ASPRV1: variants seen among roughly 807,000 people sequenced by gnomAD.
ASPRV1 encodes aspartic peptidase retroviral like 1.
Under a neutral mutation model 11.0 loss-of-function variants are expected in ASPRV1, and 7 were observed. The ratio of observed to expected loss-of-function variants is 0.64; its 90% CI spans 0.36 to 1.20. ASPRV1 has a LOEUF of 1.20. ASPRV1 is among the 50% of genes most tolerant of loss of function. ASPRV1 has a pLI of 0.02. For missense variants in ASPRV1, 299 were observed against 320.0 expected, an observed-to-expected ratio of 0.93 and a Z score of 0.50; for synonymous variants, 136 against 138.4, an observed-to-expected ratio of 0.98 and a Z score of 0.12.
chr2:70,040,844 TAAACTA>T, the ASPRV1 span, among the ~76,000 whole-genome samples: 1 of 152,048 alleles, frequency 6.6e-6, no homozygotes. Context: ...AAAACTAAAC[TAAACTA>T]AACTAAACTA....
At chr2:70,036,185 A>G in the ASPRV1 span, among the ~76,000 whole-genome samples, 2 of 151,900 alleles carry the variant, frequency 1.3e-5, no homozygotes, top group Non-Finnish European at 2.9e-5. Context: ...TGGGCAGAAA[A>G]AGAGACACCC....
At position 69,960,851 on chromosome 2, in the gene ASPRV1, C is replaced by G. The variant is rs755318799; in HGVS notation, c.586G>C (p.Glu196Gln). 1.2e-6 allele frequency: 2 copies of G among 1,614,026 alleles called. No individual in the cohort carries two copies. The highest frequency in any genetic ancestry group is 8.5e-7 in the Non-Finnish European group (1 of 1,180,042). Residue 196 changes from glutamate (E) to glutamine (Q), a missense_variant, in exon 1 of 1, where the codon GAG becomes CAG. By Grantham distance (29) the Glu-to-Gln change is conservative. Coordinates refer to ENST00000320256, the MANE Select transcript of ASPRV1 (RefSeq NM_152792.4). ...ACATCAGTGCCAATGATGGCTTCCT[C>G]GGCACTCGCATTGGCCACTAGGAAC... is the stretch of plus-strand genomic sequence containing the variant. ...AQFLVANASA[E>Q]EAIIGTDVLQ...
chr2:69,935,545 C>G, the ASPRV1 span: 1 of 963,430 alleles, frequency 1.0e-6, no homozygotes, highest in Non-Finnish European at 1.7e-6. Flanking sequence ...CAGGACAGTC[C>G]TCTCCCCTGA....
At chr2:70,066,073 G>A in the ASPRV1 span, among the ~76,000 whole-genome samples, 1 of 151,648 alleles carries the variant, frequency 6.6e-6, no homozygotes, top group Admixed American at 6.6e-5. Context: ...GCTGGGCATG[G>A]TGGTGCACAC....
At chr2:70,021,113 T>G in the ASPRV1 span, among the ~76,000 whole-genome samples, 1 of 152,178 alleles carries the variant, frequency 6.6e-6, no homozygotes, top group Admixed American at 6.5e-5. Flanking sequence ...TCCATTCTTA[T>G]GTATGTGGAA....
the ASPRV1 span, among the ~76,000 whole-genome samples, chr2:70,006,752 A>G: frequency 4.7e-4 from 71 of 152,280 alleles, no homozygotes; most frequent in Middle Eastern, 0.014. Context: ...GAAGCCCATT[A>G]CCCTTTACAT....
At chr2:70,071,085 G>A in the ASPRV1 span, among the ~76,000 whole-genome samples, 14 of 152,172 alleles carry the variant, frequency 9.2e-5, no homozygotes, top group African/African-American at 2.9e-4. Context: ...CTCTGATGGC[G>A]TATGCAGCAG....
chr2:70,008,055 T>A, the ASPRV1 span, among the ~76,000 whole-genome samples: 2 of 152,046 alleles, frequency 1.3e-5, no homozygotes, highest in African/African-American at 4.8e-5. Context: ...AGGCTGGTCT[T>A]GAACTCCTGA....
the ASPRV1 span, among the ~76,000 whole-genome samples, chr2:70,072,348 T>C: frequency 2.0e-5 from 3 of 150,668 alleles, no homozygotes; most frequent in Non-Finnish European, 4.4e-5. Context: ...AGCCCAGGAG[T>C]TCAAGGCTAC....
the ASPRV1 span, among the ~76,000 whole-genome samples, chr2:70,024,088 TAAA>T: frequency 8.1e-6 from 1 of 124,052 alleles, no homozygotes; most frequent in Non-Finnish European, 1.7e-5. Context: ...CCGTCACTAT[TAAA>T]AAAAAAAAAA....
the ASPRV1 span, among the ~76,000 whole-genome samples, chr2:70,017,751 AT>A: frequency 6.6e-6 from 1 of 152,232 alleles, no homozygotes; most frequent in Non-Finnish European, 1.5e-5. Flanking sequence ...AAGAAACAAA[AT>A]CAACATGCAA....
chr2:69,968,856 C>CT, the ASPRV1 span, among the ~76,000 whole-genome samples: 1 of 152,174 alleles, frequency 6.6e-6, no homozygotes, highest in Non-Finnish European at 1.5e-5. Flanking sequence ...TGAACGGACT[C>CT]TCCCCTGCAG....
In ASPRV1 at chr2:69,961,550, T is replaced by C; in HGVS notation, c.-114A>G. ...GGGGCCTCTCGAAGCAGAGTGGGGA[T>C]GACTTGCCCGGCCTTGGGCAAGCAG... On this transcript the variant is annotated 5_prime_UTR_variant, in exon 1 of 1. Coordinates refer to ENST00000320256, the MANE Select transcript of ASPRV1 (RefSeq NM_152792.4). The C allele has an allele frequency of 6.2e-7, 1 of 1,614,110 alleles. No homozygotes were observed. The highest frequency in any genetic ancestry group is 8.5e-7 in the Non-Finnish European group (1 of 1,180,012).
the ASPRV1 span, among the ~76,000 whole-genome samples, chr2:69,951,758 T>C: frequency 6.6e-6 from 1 of 152,018 alleles, no homozygotes; most frequent in Non-Finnish European, 1.5e-5. Context: ...ATTTGGAGTT[T>C]TAGGGGGGTT....
the ASPRV1 span, among the ~76,000 whole-genome samples, chr2:70,038,706 T>C: frequency 3.3e-5 from 5 of 152,100 alleles, no homozygotes; most frequent in Admixed American, 3.3e-4. Context: ...GCTTGCAAAA[T>C]AGAATGACAG....
At chr2:70,072,027 C>A in the ASPRV1 span, among the ~76,000 whole-genome samples, 31 of 152,032 alleles carry the variant, frequency 2.0e-4, no homozygotes, top group African/African-American at 7.5e-4. Context: ...TCTCAGCTCA[C>A]TGCTACCTCT....
At chr2:69,938,783 ACCACCAGT>A in the ASPRV1 span, 1 of 154,140 alleles carries the variant, frequency 6.5e-6, no homozygotes, top group East Asian at 1.9e-4. Context: ...CATGGACCTC[ACCACCAGT>A]GAGGAAGTCA....
the ASPRV1 span, chr2:70,049,751 G>T: frequency 6.6e-6 from 1 of 152,196 alleles, no homozygotes. Context: ...AATTCAGACT[G>T]TGAGTTCTGA....
chr2:69,948,984 A>G, the ASPRV1 span, among the ~76,000 whole-genome samples: 3 of 151,338 alleles, frequency 2.0e-5, no homozygotes, highest in Non-Finnish European at 4.4e-5. Flanking sequence ...ACTGCGCTTC[A>G]CTCAGGTCTC....
Sources: gnomAD v4.1 joint callset for allele counts (sites outside exome capture counted in the v4.1 genomes callset) on GRCh38, gnomAD v4.1.1 for gene constraint, MANE v1.5 for transcripts, NCBI Gene and HGNC (gene_info 2026-07-23, HGNC 2026-07-21) for gene names.